CCDC33: variants seen among roughly 807,000 people sequenced by gnomAD.
CCDC33 encodes coiled-coil domain-containing protein 33.
CCDC33 carries 94 observed loss-of-function variants against 91.9 expected under a neutral mutation model. That is an observed-to-expected ratio of 1.02 (90% CI 0.87 to 1.21). The LOEUF is 1.21. Ranked by LOEUF, CCDC33 falls within the 50% of genes most tolerant of loss-of-function variation. The pLI is 0.00. For missense variants in CCDC33, 940 were observed against 935.5 expected, an observed-to-expected ratio of 1.00 and a Z score of -0.06; for synonymous variants, 396 against 374.5, an observed-to-expected ratio of 1.06 and a Z score of -0.66.
intron 1 of CCDC33, chr15:74,209,236 G>C: frequency 8.8e-7 from 1 of 1,135,550 alleles, no homozygotes; most frequent in Admixed American, 2.1e-5. Flanking sequence ...CCCCCAAACC[G>C]TTTGCTCGAA....
At chr15:74,246,827 T>C (rs1233953718) in intron 2 of CCDC33, among the ~76,000 whole-genome samples, 6 of 152,162 alleles carry the variant, frequency 3.9e-5, no homozygotes, top group African/African-American at 1.2e-4. Flanking sequence ...TGGGTATATA[T>C]CCAAAGGAAA....
chr15:74,220,543 T>A (rs929418301), intron 2 of CCDC33, among the ~76,000 whole-genome samples: 6 of 152,202 alleles, frequency 3.9e-5, no homozygotes, highest in Non-Finnish European at 8.8e-5. Flanking sequence ...CCTGGCCACC[T>A]GAGCCACAGG....
In CCDC33 at chr15:74,222,962, C is replaced by T. The variant is rs898419128; in HGVS notation, c.675+4101C>T. 3.3e-5 allele frequency among the ~76,000 whole-genome samples: 5 copies of T among 151,912 alleles called. No individual in the cohort carries two copies. The East Asian group carries it at 5.8e-4, about 18-fold the overall frequency. On this transcript the variant is annotated intron_variant, in intron 2 of 2. Coordinates refer to the CCDC33 transcript ENST00000635913. ...TAAATTCATTATGCCTTTTATTGCT[C>T]GCGATTGCATACACTATTTCTATTG... is the stretch of plus-strand genomic sequence containing the variant.
At chr15:74,297,902 A>G (rs1412458208) in intron 11 of CCDC33, among the ~76,000 whole-genome samples, 9 of 152,116 alleles carry the variant, frequency 5.9e-5, no homozygotes, top group Admixed American at 5.9e-4. Flanking sequence ...CTAAGCCTCC[A>G]CCTTCCCCCA....
In CCDC33 at chr15:74,301,197, C is replaced by T. The variant is rs984759985; in HGVS notation, c.1290+5249C>T. On this transcript the variant is annotated intron_variant, in intron 11 of 18. Transcript: ENST00000398814. ...CCCTCCACTCTCTGGGCACCCTGAGCCCATCTCACACGGAGCCAGGCCATG... is the reference window on the plus strand; with the variant it reads ...CCCTCCACTCTCTGGGCACCCTGAGTCCATCTCACACGGAGCCAGGCCATG... 1.2e-4 allele frequency: 18 copies of T among 152,386 alleles called. No homozygotes were observed. In the South Asian group the frequency reaches 1.2e-3, roughly 11 times the overall value. The allele number at this position is 152,386 out of a possible 1,614,324, so 9.4% of individuals were successfully genotyped here.
chr15:74,316,203 C>A lies in CCDC33; in HGVS notation c.1291-13986C>A, dbSNP rs2060086400. Among the ~76,000 whole-genome samples, 1 of 152,142 alleles carries A rather than the reference C, an allele frequency of 6.6e-6. No homozygotes were observed. Among genetic ancestry groups the A allele is most frequent in the Non-Finnish European group, 1.5e-5 (1 of 68,018 alleles). On this transcript the variant is annotated intron_variant, in intron 11 of 18. Transcript: ENST00000398814. The surrounding 1 kb of genome is among the most constrained non-coding windows in gnomAD (Gnocchi z 4.7). Reference sequence around the variant, plus strand: ...CTGGCTTCATGGGGCAGGCTCAAGTCCCTCAAGGGCGCGGCTTCCCTCCCT... The same window carrying A: ...CTGGCTTCATGGGGCAGGCTCAAGTACCTCAAGGGCGCGGCTTCCCTCCCT...
At chr15:74,320,984 T>C (rs1182899181) in intron 11 of CCDC33, among the ~76,000 whole-genome samples, 1 of 152,254 alleles carries the variant, frequency 6.6e-6, no homozygotes, top group East Asian at 1.9e-4. Context: ...AGGGTCCCAG[T>C]GGCATTGGCC....
chr15:74,307,337 C>T (rs1342818823), intron 11 of CCDC33, among the ~76,000 whole-genome samples: 4 of 152,314 alleles, frequency 2.6e-5, no homozygotes, highest in Admixed American at 1.3e-4. Context: ...TCACTGAGCT[C>T]GTACTCTGTA....
At position 74,240,495 on chromosome 15, in the gene CCDC33, A is replaced by G. The variant is rs115011818; in HGVS notation, c.22-3490A>G. 6.7e-3 allele frequency among the ~76,000 whole-genome samples: 1,025 copies of G among 152,328 alleles called. 10 individuals are homozygous for G. Among genetic ancestry groups the G allele is most frequent in the African/African-American group, 0.022 (925 of 41,574 alleles). On this transcript the variant is annotated intron_variant, in intron 1 of 18. Coordinates refer to ENST00000398814, the MANE Select transcript of CCDC33 (RefSeq NM_025055.5). ...ACTTCAGGCACAGTAACCACTGGAA[A>G]GGCTGAATCACAAACTATTCCAGAC...
chr15:74,287,975 T>TC (rs2059511663), intron 10 of CCDC33, among the ~76,000 whole-genome samples: 3 of 151,970 alleles, frequency 2.0e-5, no homozygotes, highest in Admixed American at 2.0e-4. Context: ...AATGCCTGAA[T>TC]CCCCCTATAG....
At chr15:74,206,266 G>A (rs996989218) in intron 1 of CCDC33, among the ~76,000 whole-genome samples, 1 of 152,234 alleles carries the variant, frequency 6.6e-6, no homozygotes, top group African/African-American at 2.4e-5. Flanking sequence ...GGGTGGGCAG[G>A]CTGGGTTGAA....
intron 2 of CCDC33, 144 bp from the exon 3 acceptor site, chr15:74,262,296 A>G: frequency 9.3e-7 from 1 of 1,070,916 alleles, no homozygotes; most frequent in Non-Finnish European, 1.3e-6. Flanking sequence ...GAGGCCTGGG[A>G]TGACACAAGT....
intron 11 of CCDC33, among the ~76,000 whole-genome samples, chr15:74,320,482 T>C (rs1176406850): frequency 2.6e-5 from 4 of 151,796 alleles, no homozygotes; most frequent in Non-Finnish European, 5.9e-5. Context: ...CCGGGAACTC[T>C]CTGAGTGCAG....
chr15:74,209,370 C>A, intron 1 of CCDC33: 1 of 1,535,424 alleles, frequency 6.5e-7, no homozygotes, highest in Non-Finnish European at 8.7e-7. Context: ...TCCATTTGTC[C>A]CCATCCATCA....
At chr15:74,208,700 T>C in intron 1 of CCDC33, 1 of 987,062 alleles carries the variant, frequency 1.0e-6, no homozygotes, top group Non-Finnish European at 1.2e-6. Flanking sequence ...CCCTAGGCTC[T>C]GACTCCTGCT....
At chr15:74,255,310 C>T (rs1003289152) in intron 2 of CCDC33, among the ~76,000 whole-genome samples, 7 of 152,230 alleles carry the variant, frequency 4.6e-5, no homozygotes, top group East Asian at 1.9e-4. Context: ...CAGTCAGCAG[C>T]GGTGAGCCAG....
intron 11 of CCDC33, chr15:74,318,715 A>G (rs532880840): frequency 1.5e-5 from 11 of 722,198 alleles, no homozygotes; most frequent in Admixed American, 4.0e-5. Flanking sequence ...GCCTAGCAGC[A>G]GGTGTGTTGG....
At chr15:74,250,965 C>T (rs1030186835) in intron 2 of CCDC33, among the ~76,000 whole-genome samples, 26 of 152,188 alleles carry the variant, frequency 1.7e-4, no homozygotes, top group African/African-American at 6.3e-4. Flanking sequence ...GCACTGAGAC[C>T]TATCATAAGA....
rs2074493975 is a variant in CCDC33 at position 74,218,031 on chromosome 15, G to A, written c.310+450G>A. Among the ~76,000 whole-genome samples the A allele has an allele frequency of 6.6e-6, 1 of 151,852 alleles. No homozygotes were observed. Among genetic ancestry groups the A allele is most frequent in the South Asian group, 2.1e-4 (1 of 4,824 alleles). On this transcript the variant is annotated intron_variant, in intron 1 of 2. Coordinates refer to the CCDC33 transcript ENST00000635913. The surrounding 1 kb of genome is among the most constrained non-coding windows in gnomAD (Gnocchi z 4.8). ...GCCTTCTGGAACTTCCAGAGCAGGT[G>A]GAGAGGAAGGAACTCCAAGCAGAGA...
Sources: gnomAD v4.1 joint callset for allele counts (sites outside exome capture counted in the v4.1 genomes callset) on GRCh38, gnomAD v4.1.1 for gene constraint, Gnocchi (gnomAD v3.1) non-coding constraint, MANE v1.5 for transcripts, NCBI Gene and HGNC (gene_info 2026-07-23, HGNC 2026-07-21) for gene names.